Variants in MSN observed in about 807,000 individuals in gnomAD.
MSN encodes moesin.
In MSN, 2 loss-of-function variants were observed where a neutral mutation model predicts 48.0. The observed-to-expected ratio is 0.04, with a 90% CI of 0.02 to 0.13. MSN has a LOEUF of 0.13. Ranked by LOEUF, MSN falls within the 10% of genes least tolerant of loss-of-function variation. The pLI, the probability that MSN is intolerant of heterozygous loss-of-function variation, is 1.00. For synonymous variants in MSN, 146 were observed against 166.9 expected (o/e 0.87, Z 0.97); for missense variants, 267 against 470.1 (o/e 0.57, Z 3.99).
upstream of MSN, among the ~76,000 whole-genome samples, chrX:65,663,401 G>A (rs755758990): frequency 4.5e-5 from 5 of 111,051 alleles, no homozygotes; most frequent in African/African-American, 1.6e-4. Context: ...TCTAACAGAT[G>A]TAAGGTGGTA....
intron 1 of MSN, among the ~76,000 whole-genome samples, chrX:65,670,313 G>T (rs1377506269): frequency 1.8e-5 from 2 of 112,062 alleles, no homozygotes; most frequent in Non-Finnish European, 3.8e-5. Context: ...GATGGAGAAA[G>T]GTAGTGGAAA....
At chrX:65,636,708 T>C (rs1237238908) in intron 1 of MSN, among the ~76,000 whole-genome samples, 3 of 83,124 alleles carry the variant, frequency 3.6e-5, no homozygotes, top group African/African-American at 1.6e-4. Flanking sequence ...GATCTCGCTA[T>C]TGCACTCCGG....
chrX:65,608,513 G>T (rs1298712282), intron 1 of MSN, among the ~76,000 whole-genome samples: 1 of 110,765 alleles, frequency 9.0e-6, no homozygotes, highest in Non-Finnish European at 1.9e-5. Flanking sequence ...TGTAAAGTCA[G>T]TCTGGATGTG....
At chrX:65,674,458 A>G (rs1317470197) in intron 1 of MSN, among the ~76,000 whole-genome samples, 1 of 111,220 alleles carries the variant, frequency 9.0e-6, no homozygotes, top group Non-Finnish European at 1.9e-5. Context: ...GATGGGTACA[A>G]TGGAGTTCCC....
At chrX:65,617,166 C>T (rs999762247) in intron 1 of MSN, among the ~76,000 whole-genome samples, 67 of 105,390 alleles carry the variant, frequency 6.4e-4, no homozygotes, top group African/African-American at 2.6e-3. Flanking sequence ...GTCTAAAATT[C>T]TCTTTTTTTG....
intron 2 of MSN, among the ~76,000 whole-genome samples, chrX:65,718,442 G>A (rs908883341): frequency 3.6e-5 from 4 of 112,109 alleles, no homozygotes; most frequent in South Asian, 7.4e-4. Context: ...AGGAAAGAAA[G>A]TGTTAGCTGG....
At position 65,729,411 on chromosome X, in the gene MSN, A is replaced by T. The variant is rs200986060; in HGVS notation, c.193-27A>T. On this transcript the variant is annotated intron_variant, in intron 3 of 12. Coordinates refer to ENST00000360270, the MANE Select transcript of MSN (RefSeq NM_002444.3). Reference sequence around the variant, plus strand: ...CATTACCCTTAAAACCTATTTTTTGAGAGTCCATAACCCTTACTCTTCCCA... The same window carrying T: ...CATTACCCTTAAAACCTATTTTTTGTGAGTCCATAACCCTTACTCTTCCCA... 3,932 of 1,189,720 alleles carry T rather than the reference A, an allele frequency of 3.3e-3. 8 individuals carry two copies. The highest frequency in any genetic ancestry group is 0.01 in the Middle Eastern group (36 of 3,436).
chrX:65,612,195 T>C (rs1298691217), intron 1 of MSN, among the ~76,000 whole-genome samples: 2 of 100,092 alleles, frequency 2.0e-5, no homozygotes, highest in African/African-American at 9.9e-5. Flanking sequence ...TTTGTTATTG[T>C]GGGAAAAGGC....
chrX:65,668,061 C>A (rs1458895387), intron 1 of MSN, among the ~76,000 whole-genome samples: 1 of 112,242 alleles, frequency 8.9e-6, no homozygotes. Flanking sequence ...GAAGTTTGGA[C>A]GGGGCGAGGC....
rs2070397652 is a variant in MSN, at chrX:65,618,385, G to A, written c.-22+29773G>A. Reference sequence around the variant, plus strand: ...CTCAGGACTTGCTTTATGAATCTTGGTGCTCATGTATTGGGTGCATATATA... The same window carrying A: ...CTCAGGACTTGCTTTATGAATCTTGATGCTCATGTATTGGGTGCATATATA... On this transcript the variant is annotated intron_variant, in intron 1 of 3. Transcript: ENST00000609672. 3.6e-5 allele frequency among the ~76,000 whole-genome samples: 4 copies of A among 111,472 alleles called. No individual in the cohort carries two copies. The South Asian group carries it at 1.5e-3, about 42-fold the overall frequency.
At chrX:65,666,037 G>A (rs2070865294), upstream of MSN, among the ~76,000 whole-genome samples, 1 of 111,802 alleles carries the variant, frequency 8.9e-6, no homozygotes, top group African/African-American at 3.3e-5. Context: ...TTTGGAGACG[G>A]AGTCTTGTGC....
intron 1 of MSN, among the ~76,000 whole-genome samples, chrX:65,670,896 TTATATATATA>T (rs57076717): frequency 0.028 from 396 of 13,933 alleles, 9 homozygotes; most frequent in Non-Finnish European, 0.031. Flanking sequence ...ATGATGACAG[TTATATATATA>T]TATATATATA....
At chrX:65,727,719 G>T (rs2071581614) in intron 2 of MSN, 95 bp from the exon 3 acceptor site, 1 of 690,465 alleles carries the variant, frequency 1.4e-6, no homozygotes, top group East Asian at 3.3e-5. Flanking sequence ...CCCTTTAAGG[G>T]CAGATATAAT....
chrX:65,693,822 G>T (rs1167474386), intron 1 of MSN, among the ~76,000 whole-genome samples: 1 of 111,925 alleles, frequency 8.9e-6, no homozygotes, highest in African/African-American at 3.3e-5. Context: ...GGGAGGCCGA[G>T]GCGGGCAGAT....
At chrX:65,676,613 A>G (rs1202878758) in intron 1 of MSN, among the ~76,000 whole-genome samples, 2 of 111,414 alleles carry the variant, frequency 1.8e-5, no homozygotes, top group African/African-American at 6.5e-5. Flanking sequence ...ATATTTGGGA[A>G]GTGACTGGGG....
chrX:65,661,184 G>A (rs982093796), intron 1 of MSN, among the ~76,000 whole-genome samples: 4 of 111,079 alleles, frequency 3.6e-5, no homozygotes, highest in African/African-American at 9.8e-5. Context: ...GGCTGGTCTC[G>A]AACTCCTGAC....
chrX:65,726,447 C>T (rs1247903422), intron 2 of MSN, among the ~76,000 whole-genome samples: 11 of 111,347 alleles, frequency 9.9e-5, no homozygotes, highest in Non-Finnish European at 1.5e-4. Context: ...TACTGTTCAG[C>T]GCCTGACACA....
chrX:65,690,969 T>A (rs761429407), intron 1 of MSN, among the ~76,000 whole-genome samples: 1 of 111,534 alleles, frequency 9.0e-6, no homozygotes, highest in African/African-American at 3.3e-5. Flanking sequence ...AAGGGGGCTT[T>A]GTTCCAAGTC....
chrX:65,642,481 C>T (rs1017875937), intron 1 of MSN, among the ~76,000 whole-genome samples: 2 of 110,443 alleles, frequency 1.8e-5, no homozygotes, highest in East Asian at 5.7e-4. Context: ...CATGGCATAC[C>T]ACACAAAGCG....
Sources: allele counts gnomAD v4.1 joint callset (sites outside exome capture counted in the v4.1 genomes callset), GRCh38; gene constraint gnomAD v4.1.1; transcripts MANE v1.5; gene names NCBI Gene and HGNC (gene_info 2026-07-23, HGNC 2026-07-21).